Variants in GALNTL6 observed in about 807,000 individuals in gnomAD.
GALNTL6 encodes the protein polypeptide N-acetylgalactosaminyltransferase-like 6.
Under a neutral mutation model 73.7 loss-of-function variants are expected in GALNTL6, and 46 were observed. The ratio of observed to expected loss-of-function variants is 0.62; its 90% CI spans 0.49 to 0.80. The LOEUF (loss-of-function observed/expected upper bound fraction) is 0.80, where lower values mean the gene tolerates loss of function less well. Among genes scored for constraint, GALNTL6 ranks in the 30% least tolerant of loss-of-function variants. The pLI is 0.00. For missense variants in GALNTL6, 604 were observed against 755.0 expected (o/e 0.80, Z 2.34); for synonymous variants, 259 against 263.7 (o/e 0.98, Z 0.17).
intron 2 of GALNTL6, among the ~76,000 whole-genome samples, chr4:171,896,833 A>G (rs1736931473): frequency 6.6e-6 from 1 of 152,194 alleles, no homozygotes; most frequent in African/African-American, 2.4e-5. Flanking sequence ...TCTATTATAC[A>G]ACCAATAGGA....
intron 10 of GALNTL6, among the ~76,000 whole-genome samples, chr4:172,973,558 C>G (rs968402734): frequency 2.0e-5 from 3 of 151,990 alleles, no homozygotes; most frequent in African/African-American, 4.8e-5. Context: ...TAAAATGAAA[C>G]CTGTTTAAAT....
intron 2 of GALNTL6, among the ~76,000 whole-genome samples, chr4:172,037,525 A>G (rs1357881840): frequency 4.6e-5 from 7 of 152,156 alleles, no homozygotes; most frequent in Non-Finnish European, 1.0e-4. Context: ...AATGCCCTCT[A>G]CATTCCTCTC....
chr4:172,261,758 ACT>A (rs1263975025), intron 3 of GALNTL6, among the ~76,000 whole-genome samples: 1 of 151,090 alleles, frequency 6.6e-6, no homozygotes, highest in Non-Finnish European at 1.5e-5. Flanking sequence ...TCCTCTGAGC[ACT>A]CCTTTTGCTG....
At chr4:172,823,029 C>A (rs887684259) in intron 7 of GALNTL6, among the ~76,000 whole-genome samples, 19 of 152,152 alleles carry the variant, frequency 1.2e-4, no homozygotes, top group South Asian at 6.2e-4. Context: ...TAACTGAAAT[C>A]TTGCTCCCTT....
At chr4:172,898,380 C>T (rs954491476) in intron 8 of GALNTL6, among the ~76,000 whole-genome samples, 15 of 148,306 alleles carry the variant, frequency 1.0e-4, no homozygotes, top group African/African-American at 3.7e-4. Context: ...ATTACGATAA[C>T]ATATGAAGAT....
At chr4:172,366,153 T>C (rs1434512652) in intron 5 of GALNTL6, among the ~76,000 whole-genome samples, 1 of 152,138 alleles carries the variant, frequency 6.6e-6, no homozygotes, top group Non-Finnish European at 1.5e-5. Flanking sequence ...TACATAGTTT[T>C]TGCAGTTTAT....
intron 5 of GALNTL6, among the ~76,000 whole-genome samples, chr4:172,588,297 A>T (rs1390154538): frequency 6.6e-6 from 1 of 152,120 alleles, no homozygotes; most frequent in Non-Finnish European, 1.5e-5. Flanking sequence ...AAGACACATT[A>T]AAAAAGATCT....
chr4:172,354,852 T>C (rs933740862), intron 5 of GALNTL6, among the ~76,000 whole-genome samples: 13 of 152,150 alleles, frequency 8.5e-5, no homozygotes, highest in African/African-American at 3.1e-4. Flanking sequence ...ATGATAGTTA[T>C]ATATCCTTAT....
intron 5 of GALNTL6, among the ~76,000 whole-genome samples, chr4:172,661,295 C>G (rs760719533): frequency 1.3e-5 from 2 of 152,198 alleles, no homozygotes; most frequent in Non-Finnish European, 2.9e-5. Flanking sequence ...TGGACTCAAA[C>G]TGCAACTCAC....
chr4:172,835,216 A>G (rs1742842001), intron 7 of GALNTL6, among the ~76,000 whole-genome samples: 1 of 152,236 alleles, frequency 6.6e-6, no homozygotes, highest in Non-Finnish European at 1.5e-5. Context: ...AGGAATTTGA[A>G]ACAAAGTGAG....
At chr4:172,485,938 C>G (rs1733649676) in intron 5 of GALNTL6, among the ~76,000 whole-genome samples, 1 of 152,134 alleles carries the variant, frequency 6.6e-6, no homozygotes, top group African/African-American at 2.4e-5. Flanking sequence ...ATTTCTATCT[C>G]AGAGCATGTA....
At chr4:171,856,741 A>T (rs975761455) in intron 2 of GALNTL6, among the ~76,000 whole-genome samples, 8 of 152,124 alleles carry the variant, frequency 5.3e-5, no homozygotes, top group African/African-American at 1.9e-4. Flanking sequence ...AGTTGGTTAT[A>T]TTTGTGTGGG....
At chr4:172,255,491 A>G (rs1014857321) in intron 3 of GALNTL6, among the ~76,000 whole-genome samples, 2 of 151,454 alleles carry the variant, frequency 1.3e-5, no homozygotes, top group Non-Finnish European at 3.0e-5. Flanking sequence ...TTGGGCCTTT[A>G]CTCCAATTAA....
At chr4:172,553,722 T>C (rs1736043770) in intron 5 of GALNTL6, among the ~76,000 whole-genome samples, 1 of 152,164 alleles carries the variant, frequency 6.6e-6, no homozygotes, top group Non-Finnish European at 1.5e-5. Context: ...CTTTGCAACA[T>C]ATCTCTTATC....
chr4:172,329,272 C>G (rs967667992), intron 4 of GALNTL6, among the ~76,000 whole-genome samples: 37 of 152,166 alleles, frequency 2.4e-4, no homozygotes, highest in Non-Finnish European at 7.3e-5. Flanking sequence ...AGTTGCAGAG[C>G]TGCTATTGGC....
intron 2 of GALNTL6, among the ~76,000 whole-genome samples, chr4:172,187,769 T>G (rs916287142): frequency 5.3e-5 from 8 of 152,148 alleles, no homozygotes; most frequent in African/African-American, 1.7e-4. Flanking sequence ...TATTTAAAAC[T>G]ATTATGCTGT....
intron 5 of GALNTL6, among the ~76,000 whole-genome samples, chr4:172,528,243 T>C (rs1735027647): frequency 6.7e-6 from 1 of 149,286 alleles, no homozygotes; most frequent in Non-Finnish European, 1.5e-5. Flanking sequence ...ATTCAGCTCC[T>C]AGTTGCTGGC....
In GALNTL6 at chr4:172,069,639, T is replaced by A; in HGVS notation, c.139-160017T>A. ...TATAACATATATATATATCCTAAAT[T>A]TCCTCATACATAGTATCTGACAACA... On this transcript the variant is annotated intron_variant, in intron 2 of 12. Coordinates refer to ENST00000506823, the MANE Select transcript of GALNTL6 (RefSeq NM_001034845.3). 6.3e-5 allele frequency among the ~76,000 whole-genome samples: 6 copies of A among 95,290 alleles called. 3 individuals are homozygous for A. The highest frequency in any genetic ancestry group is 9.0e-5 in the Non-Finnish European group (4 of 44,514). 62.5% of individuals were successfully genotyped at this position (95,290 alleles called of 152,430 possible).
At chr4:171,963,246 A>C (rs573087784) in intron 2 of GALNTL6, among the ~76,000 whole-genome samples, 1 of 152,192 alleles carries the variant, frequency 6.6e-6, no homozygotes, top group African/African-American at 2.4e-5. Context: ...GGTATGTCCA[A>C]CGGCACAGCA....
Sources: allele counts gnomAD v4.1 joint callset (sites outside exome capture counted in the v4.1 genomes callset), GRCh38; gene constraint gnomAD v4.1.1; transcripts MANE v1.5; gene names NCBI Gene and HGNC (gene_info 2026-07-23, HGNC 2026-07-21).